Variants in MYO1H observed in about 807,000 individuals in gnomAD.
MYO1H encodes the protein myosin IH, also known as unconventional myosin-Ih.
A neutral mutation model predicts 149.3 loss-of-function variants in MYO1H; 118 were observed. The ratio of observed to expected loss-of-function variants is 0.79; its 90% CI spans 0.68 to 0.92. The LOEUF (loss-of-function observed/expected upper bound fraction) is 0.92. Among genes scored for constraint, MYO1H ranks in the 40% least tolerant of loss-of-function variants. MYO1H has a pLI of 0.00. For synonymous variants in MYO1H, 447 were observed against 465.2 expected (o/e 0.96, Z 0.50); for missense variants, 1,212 against 1,280.7 (o/e 0.95, Z 0.82).
At chr12:109,382,226 TC>T (rs1869218531) in intron 1 of MYO1H, among the ~76,000 whole-genome samples, 1 of 152,116 alleles carries the variant, frequency 6.6e-6, no homozygotes, top group African/African-American at 2.4e-5. Flanking sequence ...CCAAAACCAA[TC>T]AATCTTGTAT....
intron 9 of MYO1H, among the ~76,000 whole-genome samples, 195 bp from the exon 10 acceptor site, chr12:109,407,599 A>AC (rs1491248974): frequency 1.8e-5 from 2 of 111,140 alleles, no homozygotes; most frequent in African/African-American, 9.3e-5. Context: ...CCACATTTCT[A>AC]CAAAAAAAAA....
chr12:109,435,260 TC>T (rs1871811680), intron 21 of MYO1H, 147 bp downstream of exon 21: 1 of 594,580 alleles, frequency 1.7e-6, no homozygotes, highest in Admixed American at 3.3e-5. Context: ...TATGATAAGA[TC>T]CCTGTGAATT....
the MYO1H span, among the ~76,000 whole-genome samples, chr12:109,341,059 G>A: frequency 6.6e-6 from 1 of 151,882 alleles, no homozygotes. Context: ...GTGGTGGCGG[G>A]CACCTGTAAT....
chr12:109,444,447 C>T lies in MYO1H; in HGVS notation c.2911C>T (p.Gln971Ter). 6.2e-7 allele frequency: 1 copy of T among 1,613,822 alleles called. No homozygotes were observed. The highest frequency in any genetic ancestry group is 8.5e-7 in the Non-Finnish European group (1 of 1,179,764). Residue 971 changes from glutamine (Q) to a stop codon, truncating the protein, a stop_gained, in exon 30 of 32, where the codon CAG becomes TAG. Coordinates refer to ENST00000310903, the Ensembl canonical transcript of MYO1H. LOFTEE classifies it high-confidence loss of function. ...CCCACCCCAGGGGGATGCCGTTTTG[C>T]AGTGTGGACACGTGTTTGAAGCAGT... is the stretch of plus-strand genomic sequence containing the variant.
Position 109,445,592 on chromosome 12 carries a change from A to G in MYO1H, c.3073A>G (p.Lys1025Glu), listed in dbSNP as rs188144102. Reference sequence around the variant, plus strand: ...ACTGGAAGAACAAGTCTATAAAAATAAAAATGGACAATTAACAGTGGTGAG... The same window carrying G: ...ACTGGAAGAACAAGTCTATAAAAATGAAAATGGACAATTAACAGTGGTGAG... The change falls in exon 31 of 32, where the codon AAA (lysine) becomes GAA (glutamate). Residue 1025 changes from lysine (K) to glutamate (E), a missense_variant. Coordinates refer to ENST00000310903, the Ensembl canonical transcript of MYO1H. 11 of 1,612,300 alleles carry G rather than the reference A, an allele frequency of 6.8e-6. No homozygotes were observed. In the African/African-American group the frequency reaches 1.3e-4, roughly 20 times the overall value.
At chr12:109,443,026 A>G (rs74869949) in intron 27 of MYO1H, among the ~76,000 whole-genome samples, 4,600 of 111,714 alleles carry the variant, frequency 0.041, 723 homozygotes, top group African/African-American at 0.095. Context: ...ATATATATAT[A>G]TATGTGTGTG....
intron 1 of MYO1H, among the ~76,000 whole-genome samples, chr12:109,386,222 T>C (rs1049893337): frequency 9.2e-5 from 14 of 152,234 alleles, no homozygotes; most frequent in Admixed American, 7.8e-4. Flanking sequence ...CTCCTTCTAT[T>C]GTACAGATGG....
chr12:109,347,958 G>C, exon 1 of MYO1H: 1 of 399,058 alleles, frequency 2.5e-6, no homozygotes, highest in Non-Finnish European at 4.4e-6. Flanking sequence ...CCCTCTGTGC[G>C]TGATGGAATC....
the MYO1H span, among the ~76,000 whole-genome samples, chr12:109,321,147 TAA>T: frequency 6.6e-6 from 1 of 152,042 alleles, no homozygotes; most frequent in Non-Finnish European, 1.5e-5. Flanking sequence ...GCATAAAAAT[TAA>T]AGACTTATGT....
At chr12:109,413,988 C>G (rs545444567) in intron 14 of MYO1H, among the ~76,000 whole-genome samples, 1 of 152,238 alleles carries the variant, frequency 6.6e-6, no homozygotes, top group African/African-American at 2.4e-5. Flanking sequence ...TTCACTTATG[C>G]TGCTACATGT....
intron 1 of MYO1H, among the ~76,000 whole-genome samples, chr12:109,382,946 TA>T (rs1042186610): frequency 7.0e-4 from 104 of 149,446 alleles, no homozygotes; most frequent in African/African-American, 2.4e-3. Context: ...AAAGATGAAG[TA>T]AAAAATAATA....
At chr12:109,403,908 C>A in intron 6 of MYO1H, 74 bp from the exon 7 acceptor site, 1 of 1,008,790 alleles carries the variant, frequency 9.9e-7, no homozygotes, top group Non-Finnish European at 1.5e-6. Flanking sequence ...GCTTTTGCAT[C>A]TTCAGAGAGG....
intron 16 of MYO1H, among the ~76,000 whole-genome samples, chr12:109,421,467 C>T (rs1256266711): frequency 6.6e-6 from 1 of 152,114 alleles, no homozygotes; most frequent in Non-Finnish European, 1.5e-5. Flanking sequence ...TGACTTTGAG[C>T]TAAAACCTGA....
chr12:109,405,372 G>A (rs909341814), intron 7 of MYO1H, among the ~76,000 whole-genome samples: 6 of 152,126 alleles, frequency 3.9e-5, no homozygotes, highest in Non-Finnish European at 8.8e-5. Flanking sequence ...GTACAATGGC[G>A]CTATCTTGGC....
intron 28 of MYO1H, among the ~76,000 whole-genome samples, chr12:109,443,992 A>T (rs1872366789): frequency 6.6e-6 from 1 of 152,086 alleles, no homozygotes; most frequent in Admixed American, 6.6e-5. Context: ...AAATATTAAT[A>T]GCACCACTTT....
exon 6 of MYO1H, chr12:109,401,162 G>T (rs1164807923): frequency 1.2e-6 from 2 of 1,613,906 alleles, no homozygotes; most frequent in Non-Finnish European, 1.7e-6. Flanking sequence ...CCAAAACGAA[G>T]GCGAGCGGAA....
chr12:109,419,766 G>T (rs533427720), intron 15 of MYO1H, among the ~76,000 whole-genome samples: 17 of 151,614 alleles, frequency 1.1e-4, no homozygotes, highest in African/African-American at 4.1e-4. Context: ...TCACTATGTT[G>T]CCCAGGCTAG....
Position 109,393,454 on chromosome 12 carries a change from G to A in MYO1H, c.290+8G>A. The A allele has an allele frequency of 1.3e-6, 2 of 1,537,420 alleles. No homozygotes were observed. The highest frequency in any genetic ancestry group is 1.8e-6 in the Non-Finnish European group (2 of 1,126,954). ...TGAACTGCCACCACATGTGTAAGTA[G>A]CATCCACAGGATCATCACTAGGAGG... On this transcript the variant is annotated splice_region_variant and intron_variant, in intron 3 of 31. Transcript: ENST00000310903.
chr12:109,325,356 A>T, the MYO1H span, among the ~76,000 whole-genome samples: 1 of 152,174 alleles, frequency 6.6e-6, no homozygotes, highest in Non-Finnish European at 1.5e-5. Context: ...CTATTTAATA[A>T]ATGGTGCTGG....
Sources: gnomAD v4.1 joint callset for allele counts (sites outside exome capture counted in the v4.1 genomes callset) on GRCh38, gnomAD v4.1.1 for gene constraint, MANE v1.5 for transcripts, NCBI Gene and HGNC (gene_info 2026-07-23, HGNC 2026-07-21) for gene names.